The following GFY variants were observed in gnomAD, a reference collection of about 807,000 sequenced individuals.
GFY encodes Golgi-associated olfactory signaling regulator.
In GFY, 28 loss-of-function variants were observed where a neutral mutation model predicts 29.1. The ratio of observed to expected loss-of-function variants is 0.96; its 90% CI spans 0.71 to 1.32. The LOEUF (loss-of-function observed/expected upper bound fraction) is 1.32, where lower values mean the gene tolerates loss of function less well. Among genes scored for constraint, GFY ranks in the 40% most tolerant of loss-of-function variants. GFY has a pLI of 0.00. For synonymous variants in GFY, 277 were observed against 274.5 expected (o/e 1.01, Z -0.09); for missense variants, 656 against 661.9 (o/e 0.99, Z 0.10).
chr19:49,427,407 C>A lies in GFY; in HGVS notation c.977C>A (p.Ser326Tyr), dbSNP rs1377754974. Residue 326 changes from serine to tyrosine, a missense_variant, in exon 2 of 4, where the codon TCT (serine) becomes TAT (tyrosine). Transcript: ENST00000610896. ...PDSPKLPTSDSPGMVELKAPQ... is the reference protein window; with the variant it reads ...PDSPKLPTSDYPGMVELKAPQ... Reference sequence around the variant, plus strand: ...TCCCCAAAATTGCCCACTTCAGATTCTCCAGGAATGGTTGAGCTGAAGGCC... The same window carrying A: ...TCCCCAAAATTGCCCACTTCAGATTATCCAGGAATGGTTGAGCTGAAGGCC... 6.5e-7 allele frequency: 1 copy of A among 1,535,900 alleles called. No individual in the cohort carries two copies. The highest frequency in any genetic ancestry group is 1.2e-5 in the South Asian group (1 of 84,026).
In GFY at chr19:49,428,634, C is replaced by T. The variant is rs925894097; in HGVS notation, c.1373C>T (p.Ala458Val). The T allele has an allele frequency of 6.8e-7, 1 of 1,468,412 alleles. No homozygotes were observed. Among genetic ancestry groups the T allele is most frequent in the Non-Finnish European group, 9.1e-7 (1 of 1,098,520 alleles). The allele number at this position is 1,468,412 out of a possible 1,614,324, so 91.0% of individuals were successfully genotyped here. Residue 458 changes from alanine (A) to valine (V), a missense_variant, in exon 4 of 4, where the codon GCC (alanine) becomes GTC (valine). By Grantham distance (64) the Ala-to-Val change is moderately conservative (BLOSUM62 0). Coordinates refer to ENST00000610896, the MANE Select transcript of GFY (RefSeq NM_001195256.2). Reference sequence around the variant, plus strand: ...GCACCCACAGTTCTGCATTTGGACGCCCCGAAAGACCCCTACGACCTCTAC... The same window carrying T: ...GCACCCACAGTTCTGCATTTGGACGTCCCGAAAGACCCCTACGACCTCTAC... The part of the protein sequence containing the change: ...DGDEPVLHLD[A>V]PKDPYDLYFY...
chr19:49,424,156 GAT>G (rs1182317114), upstream of GFY: 1 of 152,366 alleles, frequency 6.6e-6, no homozygotes, highest in Admixed American at 6.5e-5. Context: ...CTGCCCTAAG[GAT>G]GTGTCTAAGC....
In GFY at chr19:49,427,180, T is replaced by C. The variant is rs1455455999; in HGVS notation, c.750T>C (p.Asn250=). The change falls in exon 2 of 4, where the codon AAT becomes AAC. Residue 250 remains asparagine, a synonymous_variant. Transcript: ENST00000610896. ...TPHPESHVTH[N]PSPTEISQTE... Reference sequence around the variant, plus strand: ...ACCCAGAATCCCATGTGACCCACAATCCCAGCCCCACCGAAATTTCCCAAA... The same window carrying C: ...ACCCAGAATCCCATGTGACCCACAACCCCAGCCCCACCGAAATTTCCCAAA... 3 of 1,535,636 alleles carry C rather than the reference T, an allele frequency of 2.0e-6. No homozygotes were observed. The highest frequency in any genetic ancestry group is 2.6e-6 in the Non-Finnish European group (3 of 1,146,822).
rs1276943662 is a variant in GFY at position 49,428,621 on chromosome 19, C to G, written c.1360C>G (p.Leu454Val). ...ACCACGCCCCTTTGCACCCACAGTT[C>G]TGCATTTGGACGCCCCGAAAGACCC... The part of the protein sequence containing the change: ...RLPDDGDEPV[L>V]HLDAPKDPYD... The change falls in exon 4 of 4, where the codon CTG becomes GTG. Residue 454 changes from leucine to valine, a missense_variant and splice_region_variant. Physicochemically the swap from Leu to Val is conservative, Grantham distance 32. Transcript: ENST00000610896. 1 of 1,472,352 alleles carries G rather than the reference C, an allele frequency of 6.8e-7. No individual in the cohort carries two copies. Among genetic ancestry groups the G allele is most frequent in the Non-Finnish European group, 9.0e-7 (1 of 1,105,956 alleles). The allele number at this position is 1,472,352 out of a possible 1,614,324, so 91.2% of individuals were successfully genotyped here.
At position 49,426,808 on chromosome 19, in the gene GFY, C is replaced by T. The variant is rs1975078215; in HGVS notation, c.378C>T (p.Ser126=). 5.2e-6 allele frequency: 8 copies of T among 1,535,808 alleles called. No individual in the cohort carries two copies. The highest frequency in any genetic ancestry group is 6.1e-6 in the Non-Finnish European group (7 of 1,146,826). The change falls in exon 2 of 4, where the codon TCC becomes TCT. Residue 126 remains serine, a synonymous_variant. Transcript: ENST00000610896. ...ESLDMPKTNL[S]KMAHPESSET... is the part of the protein sequence containing the mutation. ...TGGACATGCCCAAAACTAACCTCTC[C>T]AAAATGGCACACCCAGAGTCTTCTG...
Position 49,427,467 on chromosome 19 carries a change from C to G in GFY, c.1037C>G (p.Pro346Arg). Residue 346 changes from proline (P) to arginine (R), a missense_variant, in exon 2 of 4, where the codon CCT (proline) becomes CGT (arginine). By Grantham distance (103) the Pro-to-Arg change is moderately radical (BLOSUM62 -2). Transcript: ENST00000610896. ...QNSGPKESNVPPPSARIAGPP... is the reference protein window; with the variant it reads ...QNSGPKESNVRPPSARIAGPP... ...TCTGGCCCTAAGGAGTCCAACGTCCCTCCTCCCTCAGCCCGGATTGCAGGT... is the reference window on the plus strand; with the variant it reads ...TCTGGCCCTAAGGAGTCCAACGTCCGTCCTCCCTCAGCCCGGATTGCAGGT... 4.6e-6 allele frequency: 7 copies of G among 1,535,338 alleles called. No individual in the cohort carries two copies. Among genetic ancestry groups the G allele is most frequent in the Non-Finnish European group, 6.1e-6 (7 of 1,146,378 alleles).
In GFY at chr19:49,426,421, T is replaced by G; in HGVS notation, c.-10T>G. 1 of 1,527,808 alleles carries G rather than the reference T, an allele frequency of 6.5e-7. No individual in the cohort carries two copies. The highest frequency in any genetic ancestry group is 8.8e-7 in the Non-Finnish European group (1 of 1,142,230). 94.6% of individuals were successfully genotyped at this position (1,527,808 alleles called of 1,614,324 possible). A position where few individuals can be genotyped will look rare whatever the true frequency, so the allele number is the denominator to read the frequency against. ...GCTCTCCCCCGCAGCTATAGGTATC[T>G]GCCAGAGCTATGAAATCATTCAGCC... On this transcript the variant is annotated 5_prime_UTR_variant, in exon 2 of 4. Coordinates refer to ENST00000610896, the MANE Select transcript of GFY (RefSeq NM_001195256.2).
intron 1 of GFY, 73 bp from the exon 2 acceptor site, chr19:49,426,337 G>T (rs1377149626): frequency 2.1e-6 from 3 of 1,442,618 alleles, no homozygotes; most frequent in Admixed American, 5.7e-5. Flanking sequence ...TCCAGTGGGC[G>T]TGGCCTCCGG....
At position 49,428,805 on chromosome 19, in the gene GFY, A is replaced by G. The variant is rs1338965380; in HGVS notation, c.1544A>G (p.Asn515Ser). 4.1e-6 allele frequency: 6 copies of G among 1,452,806 alleles called. No individual in the cohort carries two copies. The highest frequency in any genetic ancestry group is 1.4e-5 in the South Asian group (1 of 72,678). The allele number at this position is 1,452,806 out of a possible 1,614,324, so 90.0% of individuals were successfully genotyped here. Reference protein sequence around the residue: ...LEALSPATLPNNFV With the variant: ...LEALSPATLPSNFV ...GCCCTGTCCCCCGCCACGCTCCCCA[A>G]CAACTTCGTGTGAGCCCCACCGAGT... The change falls in exon 4 of 4, where the codon AAC becomes AGC. Residue 515 changes from asparagine (N) to serine (S), a missense_variant. Transcript: ENST00000610896.
Position 49,426,540 on chromosome 19 carries a change from C to T in GFY, c.110C>T (p.Ala37Val), listed in dbSNP as rs568366741. 6.5e-7 allele frequency: 1 copy of T among 1,536,142 alleles called. No individual in the cohort carries two copies. The highest frequency in any genetic ancestry group is 1.4e-5 in the African/African-American group (1 of 73,152). Residue 37 changes from alanine (A) to valine (V), a missense_variant, in exon 2 of 4, where the codon GCC becomes GTC. By Grantham distance (64) the Ala-to-Val change is moderately conservative. Coordinates refer to ENST00000610896, the MANE Select transcript of GFY (RefSeq NM_001195256.2). ...LPLGCGFPDM[A>V]HPSETSPLKG... ...TTGGGCTGTGGCTTTCCGGACATGG[C>T]CCACCCCTCTGAGACTTCCCCTCTG...
chr19:49,428,609 G>T lies in GFY; in HGVS notation c.1358-10G>T. The T allele has an allele frequency of 2.7e-6, 4 of 1,462,690 alleles. No individual in the cohort carries two copies. Among genetic ancestry groups the T allele is most frequent in the Non-Finnish European group, 3.6e-6 (4 of 1,104,960 alleles). The allele number at this position is 1,462,690 out of a possible 1,614,324, so 90.6% of individuals were successfully genotyped here. The stretch of plus-strand genomic sequence containing the variant: ...AGCCCAGAGATGACCACGCCCCTTT[G>T]CACCCACAGTTCTGCATTTGGACGC... On this transcript the variant is annotated splice_polypyrimidine_tract_variant and intron_variant, in intron 3 of 3. Transcript: ENST00000610896.
At position 49,427,057 on chromosome 19, in the gene GFY, T is replaced by C. The variant is rs1324277804; in HGVS notation, c.627T>C (p.Pro209=). Residue 209 remains proline (P), a synonymous_variant, in exon 2 of 4, where the codon CCT becomes CCC. Transcript: ENST00000610896. ...CAAACACTAACCCTACCAAGACCCCTGACCCCAAATCCCCAGAAAAGCATG... is the reference window on the plus strand; with the variant it reads ...CAAACACTAACCCTACCAAGACCCCCGACCCCAAATCCCCAGAAAAGCATG... ...ETSNTNPTKT[P]DPKSPEKHDL... The C allele has an allele frequency of 2.6e-6, 4 of 1,530,986 alleles. No individual in the cohort carries two copies. The highest frequency in any genetic ancestry group is 4.0e-5 in the Admixed American group (2 of 50,494). The allele number at this position is 1,530,986 out of a possible 1,614,324, so 94.8% of individuals were successfully genotyped here. A position where few individuals can be genotyped will look rare whatever the true frequency, so the allele number is the denominator to read the frequency against.
At position 49,427,164 on chromosome 19, in the gene GFY, C is replaced by G. The variant is rs1157730052; in HGVS notation, c.734C>G (p.Ser245Cys). The change falls in exon 2 of 4, where the codon TCC becomes TGC. Residue 245 changes from serine to cysteine, a missense_variant. By Grantham distance (112) the Ser-to-Cys change is moderately radical (BLOSUM62 -1). Coordinates refer to ENST00000610896, the MANE Select transcript of GFY (RefSeq NM_001195256.2). ...CCTTCTAAAACCCCCCACCCAGAAT[C>G]CCATGTGACCCACAATCCCAGCCCC... Reference protein sequence around the residue: ...PDPSKTPHPESHVTHNPSPTE... With the variant: ...PDPSKTPHPECHVTHNPSPTE... The G allele has an allele frequency of 6.5e-7, 1 of 1,536,018 alleles. No homozygotes were observed. The highest frequency in any genetic ancestry group is 1.4e-5 in the African/African-American group (1 of 73,116).
chr19:49,428,024 TC>T lies in GFY; in HGVS notation c.1263del (p.Ile421MetfsTer?). On this transcript the variant is annotated frameshift_variant, in exon 3 of 4. Coordinates refer to ENST00000610896, the MANE Select transcript of GFY (RefSeq NM_001195256.2). LOFTEE classifies it high-confidence loss of function. ...CLFFAGTALL[I>X]GIFVLLWCLY... Reference sequence around the variant, plus strand: ...TTCTTCGCGGGGACCGCGCTGCTGATCGGCATCTTTGTGCTGCTGTGGTGTC... The same window carrying T: ...TTCTTCGCGGGGACCGCGCTGCTGATGGCATCTTTGTGCTGCTGTGGTGTC... The T allele has an allele frequency of 1.3e-6, 2 of 1,536,004 alleles. No individual in the cohort carries two copies. The highest frequency in any genetic ancestry group is 1.7e-6 in the Non-Finnish European group (2 of 1,146,770).
At position 49,428,241 on chromosome 19, in the gene GFY, C is replaced by G. The variant is rs2078942117; in HGVS notation, c.1357+122C>G. The stretch of plus-strand genomic sequence containing the variant: ...AAGGTCAATGAAAGCCCTGGCTCTT[C>G]CATGGCAACGTCCAGCCCCCTAAAT... On this transcript the variant is annotated intron_variant, in intron 3 of 3. Transcript: ENST00000610896. 4 of 1,210,640 alleles carry G rather than the reference C, an allele frequency of 3.3e-6. No individual in the cohort carries two copies. The Admixed American group carries it at 1.0e-4, about 31-fold the overall frequency. The allele number at this position is 1,210,640 out of a possible 1,614,324, so 75.0% of individuals were successfully genotyped here.
At chr19:49,425,385 CCT>C (rs1975062129), upstream of GFY, 1 of 152,156 alleles carries the variant, frequency 6.6e-6, no homozygotes, top group Non-Finnish European at 1.5e-5. Context: ...CCTGTGTGCC[CCT>C]GAGACCCTAC....
At chr19:49,428,305 T>G in intron 3 of GFY, among the ~76,000 whole-genome samples, 186 bp downstream of exon 3, 1 of 152,064 alleles carries the variant, frequency 6.6e-6, no homozygotes, top group East Asian at 1.9e-4. Context: ...CCGCTCCCAA[T>G]GCGGTTGGAA....
At position 49,427,554 on chromosome 19, in the gene GFY, G is replaced by A; in HGVS notation, c.1124G>A (p.Arg375Lys). 1 of 1,507,144 alleles carries A rather than the reference G, an allele frequency of 6.6e-7. No individual in the cohort carries two copies. Among genetic ancestry groups the A allele is most frequent in the Non-Finnish European group, 8.8e-7 (1 of 1,134,428 alleles). 93.4% of individuals were successfully genotyped at this position (1,507,144 alleles called of 1,614,324 possible). A position where few individuals can be genotyped will look rare whatever the true frequency, so the allele number is the denominator to read the frequency against. ...CCTGCCACTCTGCGGGCACCCCAGA[G>A]GCACAGCCGAGGTGAGGGAGTCAAC... ...LAPATLRAPQ[R>K]HSRGEGVNTI... Residue 375 changes from arginine (R) to lysine (K), a missense_variant, in exon 2 of 4, where the codon AGG becomes AAG. By Grantham distance (26) the Arg-to-Lys change is conservative. Coordinates refer to ENST00000610896, the MANE Select transcript of GFY (RefSeq NM_001195256.2).
Position 49,428,739 on chromosome 19 carries a change from T to A in GFY, c.1478T>A (p.Leu493Gln), listed in dbSNP as rs1037225924. ...PPPTPPLPPK[L>Q]PPPPRGGRPQ... The stretch of plus-strand genomic sequence containing the variant: ...CCCACACCTCCTCTGCCACCAAAGC[T>A]GCCCCCGCCGCCCCGCGGGGGTCGC... The change falls in exon 4 of 4, where the codon CTG (leucine) becomes CAG (glutamine). Residue 493 changes from leucine to glutamine, a missense_variant. Leu to Gln is a moderately radical substitution (Grantham distance 113). Transcript: ENST00000610896. 1.8e-5 allele frequency: 27 copies of A among 1,519,410 alleles called. No homozygotes were observed. The highest frequency in any genetic ancestry group is 1.2e-4 in the Admixed American group (6 of 49,026). 94.1% of individuals were successfully genotyped at this position (1,519,410 alleles called of 1,614,324 possible).
Sources: allele counts gnomAD v4.1 joint callset (sites outside exome capture counted in the v4.1 genomes callset), GRCh38; gene constraint gnomAD v4.1.1; transcripts MANE v1.5; gene names NCBI Gene and HGNC (gene_info 2026-07-23, HGNC 2026-07-21).